The following NEK11 variants were observed in gnomAD, a reference collection of about 807,000 sequenced individuals.
The protein encoded by NEK11 is serine/threonine-protein kinase Nek11.
A neutral mutation model predicts 80.7 loss-of-function variants in NEK11; 72 were observed. That is an observed-to-expected ratio of 0.89 (90% CI 0.74 to 1.08). The LOEUF (loss-of-function observed/expected upper bound fraction) is 1.08, where lower values mean the gene tolerates loss of function less well. Ranked by LOEUF, NEK11 falls within the 50% of genes least tolerant of loss-of-function variation. The pLI is 0.00. For missense variants in NEK11, 764 were observed against 763.6 expected (o/e 1.00, Z -0.01); for synonymous variants, 251 against 260.7 (o/e 0.96, Z 0.36).
intron 14 of NEK11, among the ~76,000 whole-genome samples, chr3:131,172,862 C>T (rs1206199064): frequency 6.6e-6 from 1 of 152,166 alleles, no homozygotes; most frequent in East Asian, 1.9e-4. Flanking sequence ...AAGAAGCCAG[C>T]CAAAGTCCAC....
intron 7 of NEK11, among the ~76,000 whole-genome samples, chr3:131,134,608 C>T (rs2085180878): frequency 6.6e-6 from 1 of 151,922 alleles, no homozygotes; most frequent in East Asian, 1.9e-4. Flanking sequence ...ACTGTGTTAG[C>T]CGGAATGGTC....
chr3:131,033,668 G>A (rs958660140), intron 3 of NEK11, among the ~76,000 whole-genome samples: 2 of 152,090 alleles, frequency 1.3e-5, no homozygotes, highest in Admixed American at 1.3e-4. Flanking sequence ...TGCCACTTGG[G>A]GGCATCACTT....
chr3:131,314,258 A>G (rs1348175395), intron 17 of NEK11, among the ~76,000 whole-genome samples: 3 of 152,152 alleles, frequency 2.0e-5, no homozygotes, highest in Non-Finnish European at 2.9e-5. Context: ...TGGAGGTGGA[A>G]ACTCATGGAA....
intron 14 of NEK11, among the ~76,000 whole-genome samples, chr3:131,210,497 T>C (rs901987973): frequency 3.9e-5 from 6 of 152,234 alleles, no homozygotes; most frequent in African/African-American, 1.4e-4. Context: ...GTCTGCTTGG[T>C]GCAGAGCTGA....
intron 17 of NEK11, 145 bp downstream of exon 17, chr3:131,273,719 CTT>C (rs1385644312): frequency 4.6e-5 from 27 of 592,450 alleles, no homozygotes; most frequent in Non-Finnish European, 6.9e-5. Flanking sequence ...AACTTAGAAA[CTT>C]CTCTCTAAAA....
At chr3:131,055,307 T>C (rs1290200285) in intron 3 of NEK11, among the ~76,000 whole-genome samples, 6 of 152,230 alleles carry the variant, frequency 3.9e-5, no homozygotes, top group Admixed American at 3.9e-4. Flanking sequence ...TTGCTGACAA[T>C]GTCAGGCACT....
intron 17 of NEK11, among the ~76,000 whole-genome samples, chr3:131,278,798 A>G (rs925502833): frequency 6.6e-6 from 1 of 152,080 alleles, no homozygotes; most frequent in African/African-American, 2.4e-5. Context: ...TTATACATCA[A>G]GTAAGACCAC....
At chr3:131,066,814 C>T (rs1306199372) in intron 3 of NEK11, among the ~76,000 whole-genome samples, 2 of 148,454 alleles carry the variant, frequency 1.3e-5, no homozygotes, top group African/African-American at 5.0e-5. Flanking sequence ...CACACTCCAG[C>T]CTGGGCGACA....
At chr3:131,191,384 T>A (rs1372852203) in intron 14 of NEK11, among the ~76,000 whole-genome samples, 1 of 152,144 alleles carries the variant, frequency 6.6e-6, no homozygotes, top group Non-Finnish European at 1.5e-5. Flanking sequence ...TCCTGGTTTG[T>A]GCCCTCCTTT....
chr3:131,125,979 G>T (rs1412893053), intron 5 of NEK11, among the ~76,000 whole-genome samples: 1 of 152,100 alleles, frequency 6.6e-6, no homozygotes, highest in African/African-American at 2.4e-5. Flanking sequence ...GACTTAAGTT[G>T]GTGTTTAAAG....
At chr3:131,334,717 G>A (rs146390779) in intron 17 of NEK11, among the ~76,000 whole-genome samples, 2,021 of 151,886 alleles carry the variant, frequency 0.013, 52 homozygotes, top group African/African-American at 0.046. Flanking sequence ...TTGATAGACC[G>A]CTAGCAAGAT....
chr3:131,311,965 A>C (rs2096786399), intron 17 of NEK11, among the ~76,000 whole-genome samples: 1 of 152,236 alleles, frequency 6.6e-6, no homozygotes, highest in South Asian at 2.1e-4. Flanking sequence ...TGGGTAACGT[A>C]TCTTAGGAAA....
intron 4 of NEK11, among the ~76,000 whole-genome samples, chr3:131,108,001 A>T (rs763677849): frequency 6.6e-6 from 1 of 152,134 alleles, no homozygotes; most frequent in South Asian, 2.1e-4. Flanking sequence ...GAAAGAAATG[A>T]TAGTCTTTTA....
chr3:131,039,753 C>T (rs985247189), intron 3 of NEK11, among the ~76,000 whole-genome samples: 5 of 152,162 alleles, frequency 3.3e-5, no homozygotes, highest in South Asian at 4.1e-4. Context: ...GGAAAATTCT[C>T]AAGTTAAAAT....
At chr3:131,064,742 A>G (rs1409618254) in intron 3 of NEK11, among the ~76,000 whole-genome samples, 2 of 152,196 alleles carry the variant, frequency 1.3e-5, no homozygotes, top group Non-Finnish European at 2.9e-5. Flanking sequence ...TAAAACTGTT[A>G]GTAACAAAAA....
At chr3:131,096,185 C>G (rs1028046839) in intron 4 of NEK11, among the ~76,000 whole-genome samples, 1 of 151,848 alleles carries the variant, frequency 6.6e-6, no homozygotes, top group African/African-American at 2.4e-5. Context: ...CCCCCTTCCT[C>G]CCTCCCCTAT....
chr3:131,232,554 C>T (rs148303064), intron 15 of NEK11, among the ~76,000 whole-genome samples: 3 of 152,286 alleles, frequency 2.0e-5, no homozygotes, highest in Non-Finnish European at 4.4e-5. Flanking sequence ...AGATGAAAGG[C>T]GGCAGAGTTC....
intron 14 of NEK11, among the ~76,000 whole-genome samples, chr3:131,208,579 A>G (rs2094514128): frequency 6.6e-6 from 1 of 152,172 alleles, no homozygotes; most frequent in Non-Finnish European, 1.5e-5. Flanking sequence ...CACGATATTG[A>G]TTCTTCCTAT....
At chr3:131,338,306 C>T (rs1582366428) in intron 17 of NEK11, among the ~76,000 whole-genome samples, 1 of 132,324 alleles carries the variant, frequency 7.6e-6, no homozygotes, top group East Asian at 2.3e-4. Flanking sequence ...CTAAGTCTGG[C>T]AAGGATATGG....
Sources: gnomAD v4.1 joint callset for allele counts (sites outside exome capture counted in the v4.1 genomes callset) on GRCh38, gnomAD v4.1.1 for gene constraint, MANE v1.5 for transcripts, NCBI Gene and HGNC (gene_info 2026-07-23, HGNC 2026-07-21) for gene names.